ENPP2: variants seen among roughly 807,000 people sequenced by gnomAD.
ENPP2 encodes the protein autotaxin.
ENPP2 carries 51 observed loss-of-function variants against 120.2 expected under a neutral mutation model. The ratio of observed to expected loss-of-function variants is 0.42; its 90% CI spans 0.34 to 0.54. The LOEUF (loss-of-function observed/expected upper bound fraction) is 0.54. Ranked by LOEUF, ENPP2 falls within the 20% of genes least tolerant of loss-of-function variation. ENPP2 has a pLI of 0.04. For missense variants in ENPP2, 920 were observed against 1,066.5 expected, an observed-to-expected ratio of 0.86 and a Z score of 1.91; for synonymous variants, 365 against 366.4, an observed-to-expected ratio of 1.00 and a Z score of 0.04.
intron 11 of ENPP2, among the ~76,000 whole-genome samples, chr8:119,599,769 G>A (rs570241832): frequency 6.6e-6 from 1 of 152,136 alleles, no homozygotes; most frequent in Admixed American, 6.5e-5. Flanking sequence ...ACTTTGGGAG[G>A]CCAAGGCTGG....
chr8:119,571,078 A>G (rs1472280202), intron 19 of ENPP2: 1 of 317,858 alleles, frequency 3.1e-6, no homozygotes. Context: ...CTGTATTTAC[A>G]GAATGCTTTT....
At chr8:119,623,007 G>A (rs1213267188) in intron 3 of ENPP2, among the ~76,000 whole-genome samples, 1 of 152,132 alleles carries the variant, frequency 6.6e-6, no homozygotes, top group Non-Finnish European at 1.5e-5. Flanking sequence ...CCAGGAAGTA[G>A]AATGGTCAAG....
intron 1 of ENPP2, among the ~76,000 whole-genome samples, chr8:119,663,463 T>C (rs769281455): frequency 6.6e-6 from 1 of 152,224 alleles, no homozygotes; most frequent in Non-Finnish European, 1.5e-5. Context: ...GAAACTGAAA[T>C]TTAACTGGGG....
At chr8:119,610,017 G>A (rs141912094) in intron 8 of ENPP2, among the ~76,000 whole-genome samples, 344 of 152,308 alleles carry the variant, frequency 2.3e-3, no homozygotes, top group African/African-American at 8.0e-3. Flanking sequence ...ATCACTGGAA[G>A]AGGTCTTTAC....
At chr8:119,600,199 T>A (rs1449056469) in intron 11 of ENPP2, among the ~76,000 whole-genome samples, 1 of 152,168 alleles carries the variant, frequency 6.6e-6, no homozygotes, top group African/African-American at 2.4e-5. Context: ...CTATAACTTA[T>A]GCCAAGTTGA....
chr8:119,591,443 T>G (rs1359706582), intron 12 of ENPP2, among the ~76,000 whole-genome samples: 1 of 152,214 alleles, frequency 6.6e-6, no homozygotes, highest in African/African-American at 2.4e-5. Flanking sequence ...AACATTGTTG[T>G]AAACTCAAAT....
chr8:119,656,141 T>C (rs1817759999), intron 1 of ENPP2, among the ~76,000 whole-genome samples: 1 of 152,152 alleles, frequency 6.6e-6, no homozygotes, highest in Non-Finnish European at 1.5e-5. Flanking sequence ...TGGCCTCATG[T>C]AATAAAATAT....
chr8:119,611,281 C>T (rs1357338641), intron 8 of ENPP2, among the ~76,000 whole-genome samples: 1 of 152,208 alleles, frequency 6.6e-6, no homozygotes. Flanking sequence ...AGCAGTTCCT[C>T]GAAGGGAAAT....
chr8:119,670,836 G>A (rs1410040276), intron 1 of ENPP2, among the ~76,000 whole-genome samples: 1 of 152,120 alleles, frequency 6.6e-6, no homozygotes, highest in Non-Finnish European at 1.5e-5. Flanking sequence ...ATGTGGAGAG[G>A]GAGTGAGTAG....
At chr8:119,592,709 A>G (rs1813608991) in intron 12 of ENPP2, among the ~76,000 whole-genome samples, 1 of 151,822 alleles carries the variant, frequency 6.6e-6, no homozygotes, top group Non-Finnish European at 1.5e-5. Context: ...CAGCTGTGAC[A>G]CATGCTCCAA....
In ENPP2 at chr8:119,632,758, A is replaced by G. The variant is rs554536023; in HGVS notation, c.136+5667T>C. Among the ~76,000 whole-genome samples, 11 of 152,324 alleles carry G rather than the reference A, an allele frequency of 7.2e-5. No individual in the cohort carries two copies. The East Asian group carries it at 2.1e-3, about 29-fold the overall frequency. On this transcript the variant is annotated intron_variant, in intron 2 of 24. Transcript: ENST00000075322. ...AAATATTCCATCTTACAATATGTAT[A>G]GAGAGGTAGGGTTGTAGAATTCTAG...
At chr8:119,561,893 C>G (rs1813980264) in intron 24 of ENPP2, among the ~76,000 whole-genome samples, 1 of 152,082 alleles carries the variant, frequency 6.6e-6, no homozygotes, top group South Asian at 2.1e-4. Context: ...AATCCCAGCA[C>G]TTTGGGAGGC....
At chr8:119,618,394 C>G (rs1815628179) in intron 5 of ENPP2, 1 of 463,878 alleles carries the variant, frequency 2.2e-6, no homozygotes, top group Non-Finnish European at 4.3e-6. Flanking sequence ...ACCCAGCCAC[C>G]TGTTTGCCTC....
intron 2 of ENPP2, among the ~76,000 whole-genome samples, chr8:119,633,004 G>A (rs182003468): frequency 2.0e-5 from 3 of 152,260 alleles, no homozygotes; most frequent in South Asian, 2.1e-4. Flanking sequence ...GCAGTGAGCC[G>A]AGATCATGCC....
intron 1 of ENPP2, among the ~76,000 whole-genome samples, chr8:119,672,736 G>C (rs1818288139): frequency 6.6e-6 from 1 of 152,206 alleles, no homozygotes; most frequent in Non-Finnish European, 1.5e-5. Flanking sequence ...CGCGTTGTGG[G>C]GAAGGGGCTC....
chr8:119,562,807 G>A (rs770631451), intron 24 of ENPP2, 50 bp downstream of exon 24: 17 of 1,541,284 alleles, frequency 1.1e-5, no homozygotes, highest in African/African-American at 6.8e-5. Flanking sequence ...AGTAAGAAAC[G>A]AAGGTGAACT....
At chr8:119,573,466 T>C (rs918398734) in intron 19 of ENPP2, among the ~76,000 whole-genome samples, 1 of 149,290 alleles carries the variant, frequency 6.7e-6, no homozygotes, top group Non-Finnish European at 1.5e-5. Flanking sequence ...ATAAAGCTTC[T>C]CCATCTCTAC....
chr8:119,585,769 C>T (rs185336879), intron 15 of ENPP2, among the ~76,000 whole-genome samples: 25 of 152,184 alleles, frequency 1.6e-4, no homozygotes, highest in Admixed American at 4.6e-4. Flanking sequence ...TTAACATTAA[C>T]AACATTTTCT....
chr8:119,594,542 A>G (rs1420149877), intron 11 of ENPP2, among the ~76,000 whole-genome samples: 1 of 152,236 alleles, frequency 6.6e-6, no homozygotes. Context: ...CTTTAACAAA[A>G]TATGAAAACT....
Sources: allele counts gnomAD v4.1 joint callset (sites outside exome capture counted in the v4.1 genomes callset), GRCh38; gene constraint gnomAD v4.1.1; transcripts MANE v1.5; gene names NCBI Gene and HGNC (gene_info 2026-07-23, HGNC 2026-07-21).